RAB14: variants seen among roughly 807,000 people sequenced by gnomAD.
RAB14 encodes the protein RAB14, member RAS oncogene family.
In RAB14, 3 loss-of-function variants were observed where a neutral mutation model predicts 31.1. That is an observed-to-expected ratio of 0.10 (90% CI 0.04 to 0.25). The LOEUF (loss-of-function observed/expected upper bound fraction) is 0.25, where lower values mean the gene tolerates loss of function less well. Ranked by LOEUF, RAB14 falls within the 10% of genes least tolerant of loss-of-function variation. RAB14 has a pLI of 1.00. For synonymous variants in RAB14, 85 were observed against 84.9 expected, an observed-to-expected ratio of 1.00 and a Z score of 0.00; for missense variants, 111 against 260.1, an observed-to-expected ratio of 0.43 and a Z score of 3.94.
intron 1 of RAB14, among the ~76,000 whole-genome samples, chr9:121,197,797 G>A (rs1373445602): frequency 6.6e-6 from 1 of 152,104 alleles, no homozygotes; most frequent in African/African-American, 2.4e-5. Context: ...AGCCCATAAG[G>A]CTACAGGTAT....
chr9:121,185,263 T>C (rs780318336), intron 5 of RAB14, among the ~76,000 whole-genome samples: 2 of 152,154 alleles, frequency 1.3e-5, no homozygotes, highest in Non-Finnish European at 2.9e-5. Flanking sequence ...CACAGAGACT[T>C]ACAAAAAATA....
intron 7 of RAB14, 79 bp downstream of exon 7, chr9:121,182,850 AT>A (rs1188349597): frequency 8.4e-7 from 1 of 1,184,408 alleles, no homozygotes; most frequent in Non-Finnish European, 1.2e-6. Flanking sequence ...GTGTATATAC[AT>A]TATATACTTT....
intron 1 of RAB14, among the ~76,000 whole-genome samples, chr9:121,199,924 T>C (rs1453461141): frequency 6.6e-6 from 1 of 152,198 alleles, no homozygotes; most frequent in East Asian, 1.9e-4. Flanking sequence ...CTCTCATTCA[T>C]TCAAAAGATA....
chr9:121,194,090 T>TCTCACACACA (rs762438919), intron 1 of RAB14, among the ~76,000 whole-genome samples: 35 of 141,294 alleles, frequency 2.5e-4, no homozygotes, highest in South Asian at 6.5e-4. Context: ...TTGCAGATTA[T>TCTCACACACA]CACTCACACA....
intron 1 of RAB14, among the ~76,000 whole-genome samples, chr9:121,193,693 A>G (rs2053698744): frequency 6.6e-6 from 1 of 152,172 alleles, no homozygotes; most frequent in African/African-American, 2.4e-5. Flanking sequence ...ACTAGAACTT[A>G]AAAGTATAAT....
chr9:121,192,070 A>G (rs548667234), intron 3 of RAB14, 101 bp downstream of exon 3: 15 of 822,500 alleles, frequency 1.8e-5, no homozygotes, highest in African/African-American at 3.5e-5. Flanking sequence ...GGGAAAGGTT[A>G]TATTTAAATG....
intron 4 of RAB14, among the ~76,000 whole-genome samples, chr9:121,190,065 A>C (rs1430389329): frequency 6.6e-6 from 1 of 152,066 alleles, no homozygotes; most frequent in Non-Finnish European, 1.5e-5. Flanking sequence ...CCATTTTAAG[A>C]GAAAAAAAAA....
Position 121,184,307 on chromosome 9 carries a change from T to C in RAB14, c.352-909A>G, listed in dbSNP as rs533611745. Among the ~76,000 whole-genome samples the C allele has an allele frequency of 2.0e-5, 3 of 152,238 alleles. No homozygotes were observed. The South Asian group carries it at 6.2e-4, about 32-fold the overall frequency. ...GCAAAATATCACCCACCAACCTATA[T>C]CCACCTTGGAACCATTCATACAAGT... On this transcript the variant is annotated intron_variant, in intron 5 of 7. Coordinates refer to ENST00000373840, the MANE Select transcript of RAB14 (RefSeq NM_016322.4).
chr9:121,198,948 A>G (rs2053734002), intron 1 of RAB14, among the ~76,000 whole-genome samples: 1 of 151,392 alleles, frequency 6.6e-6, no homozygotes, highest in South Asian at 2.1e-4. Context: ...TAAAAAAAAA[A>G]CCTTACTTTT....
intron 4 of RAB14, among the ~76,000 whole-genome samples, chr9:121,189,391 A>G (rs865913157): frequency 1.3e-5 from 2 of 152,100 alleles, no homozygotes; most frequent in African/African-American, 2.4e-5. Flanking sequence ...ATTCCTTATA[A>G]AATCAGACAG....
chr9:121,188,412 T>C (rs2053669390), intron 4 of RAB14, among the ~76,000 whole-genome samples: 1 of 151,838 alleles, frequency 6.6e-6, no homozygotes, highest in Non-Finnish European at 1.5e-5. Flanking sequence ...ATATAAACCA[T>C]ATTACTTACA....
intron 5 of RAB14, among the ~76,000 whole-genome samples, chr9:121,186,091 G>A (rs769296781): frequency 6.6e-6 from 1 of 152,098 alleles, no homozygotes; most frequent in Non-Finnish European, 1.5e-5. Flanking sequence ...TGAGACACAA[G>A]CCTTGTTCCT....
chr9:121,181,264 T>C lies in RAB14; in HGVS notation c.*132A>G. On this transcript the variant is annotated 3_prime_UTR_variant, in exon 8 of 8. Coordinates refer to ENST00000373840, the MANE Select transcript of RAB14 (RefSeq NM_016322.4). The stretch of plus-strand genomic sequence containing the variant: ...CAGTTTAGTATTGTGTTAAACTGTT[T>C]TTACAACAGAGTTTTTTCTTTTTTT... 1.3e-5 allele frequency: 13 copies of C among 1,021,504 alleles called. No homozygotes were observed. Among genetic ancestry groups the C allele is most frequent in the Non-Finnish European group, 1.8e-5 (13 of 736,500 alleles). 63.3% of individuals were successfully genotyped at this position (1,021,504 alleles called of 1,614,324 possible).
At chr9:121,191,523 A>T (rs2053686691) in intron 3 of RAB14, among the ~76,000 whole-genome samples, 1 of 152,138 alleles carries the variant, frequency 6.6e-6, no homozygotes, top group Non-Finnish European at 1.5e-5. Flanking sequence ...ACTACTTATT[A>T]TACAATGACA....
chr9:121,187,042 T>G (rs201249611), intron 4 of RAB14, 23 bp from the exon 5 acceptor site: 6 of 1,422,052 alleles, frequency 4.2e-6, no homozygotes, highest in East Asian at 4.9e-5. Context: ...AAGTTTAAAT[T>G]TGTGACTGCC....
Position 121,182,934 on chromosome 9 carries a change from T to G in RAB14, c.466A>C (p.Lys156Gln). 6.2e-7 allele frequency: 1 copy of G among 1,608,134 alleles called. No homozygotes were observed. The highest frequency in any genetic ancestry group is 8.5e-7 in the Non-Finnish European group (1 of 1,175,954). The stretch of plus-strand genomic sequence containing the variant: ...CTGTATTTTGGTCACACTTACGTTT[T>G]TGCACTCGCTTCGAGGAACAATAAG... The part of the protein sequence containing the change: ...NGLLFLEASA[K>Q]TGENVEDAFL... The change falls in exon 7 of 8, where the codon AAA becomes CAA. Residue 156 changes from lysine (K) to glutamine (Q), a missense_variant. By Grantham distance (53) the Lys-to-Gln change is moderately conservative (BLOSUM62 1). Coordinates refer to ENST00000373840, the MANE Select transcript of RAB14 (RefSeq NM_016322.4).
intron 4 of RAB14, 31 bp downstream of exon 4, chr9:121,190,523 C>A: frequency 1.3e-6 from 2 of 1,512,544 alleles, no homozygotes; most frequent in Admixed American, 2.1e-5. Context: ...ATTTATTTTC[C>A]CCATATGAAG....
intron 1 of RAB14, among the ~76,000 whole-genome samples, chr9:121,196,590 T>C (rs183895356): frequency 7.7e-4 from 117 of 152,222 alleles, no homozygotes; most frequent in African/African-American, 2.6e-3. Context: ...CCTAGGACTG[T>C]TTTAACTACA....
intron 4 of RAB14, among the ~76,000 whole-genome samples, chr9:121,188,832 A>T (rs1479794664): frequency 6.6e-6 from 1 of 152,050 alleles, no homozygotes; most frequent in Admixed American, 6.6e-5. Context: ...CATAAAGCTT[A>T]TTCTTTTAAA....
Sources: allele counts gnomAD v4.1 joint callset (sites outside exome capture counted in the v4.1 genomes callset), GRCh38; gene constraint gnomAD v4.1.1; transcripts MANE v1.5; gene names NCBI Gene and HGNC (gene_info 2026-07-23, HGNC 2026-07-21).